The following ZNF423 variants were observed in gnomAD, a reference collection of about 807,000 sequenced individuals.
ZNF423 encodes Ebf-associated zinc finger protein.
ZNF423 carries 12 observed loss-of-function variants against 95.8 expected under a neutral mutation model. The observed-to-expected ratio is 0.13, with a 90% CI of 0.08 to 0.20. The LOEUF (loss-of-function observed/expected upper bound fraction) is 0.20. Among genes scored for constraint, ZNF423 ranks in the 10% least tolerant of loss-of-function variants. ZNF423 has a pLI of 1.00. For missense variants in ZNF423, 1,316 were observed against 1,737.1 expected (o/e 0.76, Z 4.31); for synonymous variants, 749 against 711.9 (o/e 1.05, Z -0.83).
chr16:49,606,734 C>T (rs1178938119), intron 5 of ZNF423, among the ~76,000 whole-genome samples: 1 of 152,182 alleles, frequency 6.6e-6, no homozygotes, highest in Non-Finnish European at 1.5e-5. Flanking sequence ...ATCACAGGGG[C>T]CCTGGGATGG....
chr16:49,568,234 C>T (rs1597114558), intron 5 of ZNF423, among the ~76,000 whole-genome samples: 3 of 152,300 alleles, frequency 2.0e-5, no homozygotes, highest in Non-Finnish European at 4.4e-5. Flanking sequence ...GGTTAAAGGA[C>T]TCTCCTGTCA....
At chr16:49,558,542 T>C (rs564181682) in intron 5 of ZNF423, among the ~76,000 whole-genome samples, 51 of 152,250 alleles carry the variant, frequency 3.3e-4, no homozygotes, top group African/African-American at 1.1e-3. Context: ...TCATGTCCTT[T>C]GCTAAGTAAT....
intron 3 of ZNF423, among the ~76,000 whole-genome samples, chr16:49,648,431 C>T (rs902421661): frequency 2.1e-5 from 3 of 142,388 alleles, no homozygotes; most frequent in Non-Finnish European, 4.7e-5. Context: ...CACCTGAGGT[C>T]GGGAGTTCGA....
At chr16:49,561,390 G>A (rs78748348) in intron 5 of ZNF423, among the ~76,000 whole-genome samples, 2,820 of 152,194 alleles carry the variant, frequency 0.019, 82 homozygotes, top group African/African-American at 0.064. Context: ...GGCATATATA[G>A]ATATATACAC....
intron 3 of ZNF423, among the ~76,000 whole-genome samples, chr16:49,693,264 G>A (rs1026091450): frequency 6.6e-6 from 1 of 152,198 alleles, no homozygotes; most frequent in Non-Finnish European, 1.5e-5. Context: ...GAAATGAGCA[G>A]GGTGTGGGAA....
intron 2 of ZNF423, among the ~76,000 whole-genome samples, chr16:49,783,609 G>C (rs1229966488): frequency 6.8e-6 from 1 of 147,114 alleles, no homozygotes; most frequent in Admixed American, 6.8e-5. Context: ...TTTCGTACAA[G>C]GCTGGGATTG....
intron 3 of ZNF423, among the ~76,000 whole-genome samples, chr16:49,697,913 AG>A (rs1176983271): frequency 6.6e-6 from 1 of 152,236 alleles, no homozygotes; most frequent in Non-Finnish European, 1.5e-5. Flanking sequence ...CAGAGGGGGC[AG>A]GAGGATACAC....
At chr16:49,575,678 C>T (rs377279273) in intron 5 of ZNF423, among the ~76,000 whole-genome samples, 6 of 152,214 alleles carry the variant, frequency 3.9e-5, no homozygotes, top group East Asian at 1.9e-4. Context: ...GTGCTACCTC[C>T]GGCAGCATTT....
intron 5 of ZNF423, among the ~76,000 whole-genome samples, chr16:49,560,642 G>A (rs561513979): frequency 1.3e-5 from 2 of 152,318 alleles, no homozygotes; most frequent in African/African-American, 2.4e-5. Flanking sequence ...TTGAGGCCTC[G>A]TCCAAGCCAT....
intron 3 of ZNF423, among the ~76,000 whole-genome samples, chr16:49,726,670 T>C (rs1437880558): frequency 6.6e-6 from 1 of 152,026 alleles, no homozygotes; most frequent in Non-Finnish European, 1.5e-5. Flanking sequence ...CCACAAACAA[T>C]GTCTCCATTA....
intron 7 of ZNF423, among the ~76,000 whole-genome samples, chr16:49,510,518 G>T (rs759345194): frequency 6.6e-6 from 1 of 152,212 alleles, no homozygotes; most frequent in Non-Finnish European, 1.5e-5. Context: ...GACCTCACAT[G>T]AGTGTGTCTC....
intron 7 of ZNF423, among the ~76,000 whole-genome samples, chr16:49,510,460 T>C (rs904582696): frequency 5.9e-5 from 9 of 152,164 alleles, no homozygotes; most frequent in Non-Finnish European, 1.0e-4. Context: ...GCTTCCTGAG[T>C]GCTGCTAGGG....
chr16:49,706,789 A>G (rs1019745212), intron 3 of ZNF423, among the ~76,000 whole-genome samples: 2 of 152,198 alleles, frequency 1.3e-5, no homozygotes, highest in African/African-American at 4.8e-5. Flanking sequence ...ATTGACCCAG[A>G]AACAGAAGAG....
intron 3 of ZNF423, among the ~76,000 whole-genome samples, chr16:49,656,138 G>T: frequency 6.6e-6 from 1 of 152,144 alleles, no homozygotes; most frequent in South Asian, 2.1e-4. Flanking sequence ...AGGTGAGACG[G>T]AGGACTGAAT....
At chr16:49,677,242 A>G (rs1041042860) in intron 3 of ZNF423, among the ~76,000 whole-genome samples, 1 of 14,092 alleles carries the variant, frequency 7.1e-5, no homozygotes, top group Non-Finnish European at 1.4e-4. Flanking sequence ...AGAAGAGAAG[A>G]GAAGATAAGA....
chr16:49,824,227 A>ACCT (rs1027853557), intron 1 of ZNF423, among the ~76,000 whole-genome samples: 4 of 152,162 alleles, frequency 2.6e-5, no homozygotes, highest in Non-Finnish European at 4.4e-5. Context: ...ACAGCCAGGC[A>ACCT]TTGCGTCTCC....
chr16:49,735,725 A>G (rs752894), intron 2 of ZNF423, among the ~76,000 whole-genome samples: 51,023 of 151,964 alleles, frequency 0.34, 8,998 homozygotes, highest in East Asian at 0.53. Flanking sequence ...GAGAGAGAGC[A>G]CATAGGGGCT....
chr16:49,827,437 A>T (rs1247411247), intron 1 of ZNF423, among the ~76,000 whole-genome samples: 1 of 152,306 alleles, frequency 6.6e-6, no homozygotes, highest in East Asian at 1.9e-4. Context: ...TCACTGCAGC[A>T]GCAAGAACCC....
intron 1 of ZNF423, among the ~76,000 whole-genome samples, chr16:49,810,314 C>T (rs898615787): frequency 1.4e-4 from 21 of 152,326 alleles, no homozygotes; most frequent in African/African-American, 4.8e-4. Flanking sequence ...CATGCACCCA[C>T]CTGCTCCCTT....
Sources: allele counts gnomAD v4.1 joint callset (sites outside exome capture counted in the v4.1 genomes callset), GRCh38; gene constraint gnomAD v4.1.1; transcripts MANE v1.5; gene names NCBI Gene and HGNC (gene_info 2026-07-23, HGNC 2026-07-21).